FAT3: variants seen among roughly 807,000 people sequenced by gnomAD.
FAT3 encodes protocadherin Fat 3.
Under a neutral mutation model 310.2 loss-of-function variants are expected in FAT3, and 95 were observed. That is an observed-to-expected ratio of 0.31 (90% CI 0.26 to 0.36). FAT3 has a LOEUF of 0.36. Ranked by LOEUF, FAT3 falls within the 10% of genes least tolerant of loss-of-function variation. The pLI, the probability that FAT3 is intolerant of heterozygous loss-of-function variation, is 1.00. For synonymous variants in FAT3, 2,314 were observed against 2,192.9 expected (o/e 1.06, Z -1.54); for missense variants, 5,408 against 5,715.6 (o/e 0.95, Z 1.74).
intron 25 of FAT3, among the ~76,000 whole-genome samples, chr11:92,888,221 C>T (rs1227981568): frequency 1.3e-5 from 2 of 152,184 alleles, no homozygotes; most frequent in East Asian, 1.9e-4. Context: ...CAACAAATCA[C>T]CTAACAGTGG....
chr11:92,224,821 A>T lies in FAT3; in HGVS notation c.-371A>T, dbSNP rs934547185. ...CCGGAGCAGCCAGGCGGCGAGCAGT[A>T]GCGGCGGCGGCTGCAGCTCGGAGCA... is the stretch of plus-strand genomic sequence containing the variant. On this transcript the variant is annotated 5_prime_UTR_variant, in exon 1 of 28. Coordinates refer to ENST00000525166, the MANE Select transcript of FAT3 (RefSeq NM_001367949.2). 6.6e-6 allele frequency among the ~76,000 whole-genome samples: 1 copy of T among 151,876 alleles called. No homozygotes were observed. Among genetic ancestry groups the T allele is most frequent in the African/African-American group, 2.4e-5 (1 of 41,336 alleles).
At chr11:92,889,347 T>C in intron 26 of FAT3, 99 bp downstream of exon 26, 1 of 528,102 alleles carries the variant, frequency 1.9e-6, no homozygotes, top group South Asian at 3.1e-5. Flanking sequence ...GAGGGGGCAA[T>C]AAACAGCTGG....
chr11:92,828,961 G>T (rs749971857), intron 13 of FAT3, among the ~76,000 whole-genome samples: 5 of 152,144 alleles, frequency 3.3e-5, no homozygotes, highest in Admixed American at 6.5e-5. Flanking sequence ...TTCCCTTCTG[G>T]CCTTGCTGCT....
chr11:92,577,340 C>T (rs916829802), intron 3 of FAT3, among the ~76,000 whole-genome samples: 13 of 151,946 alleles, frequency 8.6e-5, no homozygotes, highest in Non-Finnish European at 7.4e-5. Flanking sequence ...AACTCCTGAC[C>T]TCAGGTAATC....
At chr11:92,671,886 A>G (rs936315295) in intron 3 of FAT3, among the ~76,000 whole-genome samples, 4 of 152,160 alleles carry the variant, frequency 2.6e-5, no homozygotes, top group Non-Finnish European at 2.9e-5. Flanking sequence ...CAGGTGGATC[A>G]TCTGAAGTCA....
At chr11:92,589,723 C>A (rs1386221483) in intron 3 of FAT3, among the ~76,000 whole-genome samples, 2 of 152,080 alleles carry the variant, frequency 1.3e-5, no homozygotes, top group African/African-American at 2.4e-5. Flanking sequence ...AAATAGCATT[C>A]TTTCCCTTCA....
chr11:92,284,993 T>G (rs1946522448), intron 1 of FAT3, among the ~76,000 whole-genome samples: 1 of 152,186 alleles, frequency 6.6e-6, no homozygotes, highest in African/African-American at 2.4e-5. Context: ...GATAGAATTT[T>G]CTATTAGGAA....
At position 92,621,196 on chromosome 11, in the gene FAT3, G is replaced by A. The variant is rs184913786; in HGVS notation, c.3608-76188G>A. Among the ~76,000 whole-genome samples, 570 of 152,094 alleles carry A rather than the reference G, an allele frequency of 3.7e-3. 9 individuals are homozygous for A. The highest frequency in any genetic ancestry group is 0.027 in the Middle Eastern group (8 of 294). On this transcript the variant is annotated intron_variant, in intron 3 of 27. Coordinates refer to ENST00000525166, the MANE Select transcript of FAT3 (RefSeq NM_001367949.2). ...TCCAAAATGTAACTCTGCCTTTATC[G>A]TGATCACGTGTCTCCTTCCCAGTCA...
In FAT3 at chr11:92,893,093, T is replaced by C. The variant is rs183981730; in HGVS notation, c.*1980T>C. On this transcript the variant is annotated 3_prime_UTR_variant, in exon 28 of 28. Coordinates refer to ENST00000525166, the MANE Select transcript of FAT3 (RefSeq NM_001367949.2). The stretch of plus-strand genomic sequence containing the variant: ...TGTGCATTATTCACTCAGACATATT[T>C]TTAGTTATTTCAATTGCGTTTAATC... 2 of 151,968 alleles carry C rather than the reference T, an allele frequency of 1.3e-5. No homozygotes were observed. Among genetic ancestry groups the C allele is most frequent in the East Asian group, 3.9e-4 (2 of 5,186 alleles). The allele number at this position is 151,968 out of a possible 1,614,324, so 9.4% of individuals were successfully genotyped here. A position where few individuals can be genotyped will look rare whatever the true frequency, so the allele number is the denominator to read the frequency against.
chr11:92,344,161 A>G (rs188251448), intron 1 of FAT3, among the ~76,000 whole-genome samples: 4 of 152,314 alleles, frequency 2.6e-5, no homozygotes, highest in African/African-American at 9.6e-5. Context: ...TGTAGTCCTC[A>G]CTTATCCATG....
intron 3 of FAT3, among the ~76,000 whole-genome samples, chr11:92,601,488 G>T (rs974830238): frequency 1.3e-5 from 2 of 152,120 alleles, no homozygotes; most frequent in African/African-American, 4.8e-5. Context: ...CCAGCTACTT[G>T]GGAGGCTGAG....
At chr11:92,415,392 A>G (rs563410424) in intron 2 of FAT3, among the ~76,000 whole-genome samples, 4 of 152,306 alleles carry the variant, frequency 2.6e-5, no homozygotes, top group Admixed American at 6.5e-5. Flanking sequence ...GCATGTCTGA[A>G]TAAGGATGGG....
intron 4 of FAT3, among the ~76,000 whole-genome samples, chr11:92,735,182 A>C (rs1212515867): frequency 1.3e-5 from 2 of 152,166 alleles, no homozygotes; most frequent in African/African-American, 4.8e-5. Flanking sequence ...TTCCAGCACC[A>C]ATGCTCTTCT....
intron 3 of FAT3, among the ~76,000 whole-genome samples, chr11:92,633,407 A>G (rs1183746254): frequency 6.6e-6 from 1 of 152,138 alleles, no homozygotes; most frequent in Admixed American, 6.5e-5. Context: ...AGTGACTTTA[A>G]GAACATTATT....
intron 1 of FAT3, among the ~76,000 whole-genome samples, chr11:92,260,871 G>A (rs2134305412): frequency 6.6e-6 from 1 of 152,122 alleles, no homozygotes; most frequent in East Asian, 1.9e-4. Flanking sequence ...GACTGAGTAT[G>A]CCAACATGTA....
intron 1 of FAT3, among the ~76,000 whole-genome samples, chr11:92,315,556 C>T (rs1243624562): frequency 1.2e-5 from 1 of 84,188 alleles, no homozygotes; most frequent in Non-Finnish European, 2.6e-5. Flanking sequence ...GAGAGAGAGA[C>T]TGTGTTGCCC....
chr11:92,473,811 T>C (rs1195552833), intron 2 of FAT3, among the ~76,000 whole-genome samples: 1 of 152,198 alleles, frequency 6.6e-6, no homozygotes, highest in Non-Finnish European at 1.5e-5. Context: ...ATTTTTCACA[T>C]AGTTAAATGA....
chr11:92,351,352 A>C (rs1479659449), intron 1 of FAT3, among the ~76,000 whole-genome samples: 1 of 152,176 alleles, frequency 6.6e-6, no homozygotes, highest in Non-Finnish European at 1.5e-5. Flanking sequence ...TATAATTATA[A>C]AAGTAATTAT....
At chr11:92,612,133 C>T (rs1403610234) in intron 3 of FAT3, among the ~76,000 whole-genome samples, 2 of 152,216 alleles carry the variant, frequency 1.3e-5, no homozygotes, top group Non-Finnish European at 2.9e-5. Context: ...GATAGCATCT[C>T]TGTGTTTTTC....
Sources: gnomAD v4.1 joint callset for allele counts (sites outside exome capture counted in the v4.1 genomes callset) on GRCh38, gnomAD v4.1.1 for gene constraint, MANE v1.5 for transcripts, NCBI Gene and HGNC (gene_info 2026-07-23, HGNC 2026-07-21) for gene names.